The following SLC26A11 variants were observed in gnomAD, a reference collection of about 807,000 sequenced individuals.
SLC26A11 encodes the protein sodium-independent sulfate anion transporter.
SLC26A11 carries 58 observed loss-of-function variants against 62.2 expected under a neutral mutation model. The ratio of observed to expected loss-of-function variants is 0.93; its 90% CI spans 0.76 to 1.16. The LOEUF (loss-of-function observed/expected upper bound fraction) is 1.16, where lower values mean the gene tolerates loss of function less well. Among genes scored for constraint, SLC26A11 ranks in the 50% most tolerant of loss-of-function variants. The pLI, the probability that SLC26A11 is intolerant of heterozygous loss-of-function variation, is 0.00. For missense variants in SLC26A11, 790 were observed against 794.3 expected (o/e 0.99, Z 0.06); for synonymous variants, 411 against 368.9 (o/e 1.11, Z -1.31).
Position 80,246,215 on chromosome 17 carries a change from GC to G in SLC26A11, c.1153+12del. On this transcript the variant is annotated splice_region_variant and intron_variant, in intron 12 of 17. Coordinates refer to ENST00000361193, the MANE Select transcript of SLC26A11 (RefSeq NM_001166347.2). The surrounding 1 kb of genome is among the most constrained non-coding windows in gnomAD (Gnocchi z 4.4). ...GGCGGGGGGCCTGGTGACGGGTAAG[GC>G]CCCCCATCTTCCCCTTGTGCCCGCA... is the stretch of plus-strand genomic sequence containing the variant. 1 of 1,609,044 alleles carries G rather than the reference GC, an allele frequency of 6.2e-7. No individual in the cohort carries two copies.
At position 80,246,555 on chromosome 17, in the gene SLC26A11, C is replaced by T. The variant is rs745370131; in HGVS notation, c.1200C>T (p.Tyr400=). The stretch of plus-strand genomic sequence containing the variant: ...TGGACTACCTGACCTCACTGTTCTA[C>T]TACATCCCCAAGTCTGCCCTGGCTG... ...LSLDYLTSLF[Y]YIPKSALAAV... Residue 400 remains tyrosine (Y), a synonymous_variant, in exon 13 of 18, where the codon TAC becomes TAT. Transcript: ENST00000361193. This position sits in a 1 kb window ranked among gnomAD's most constrained non-coding sequence, Gnocchi z 4.4. 7 of 1,613,632 alleles carry T rather than the reference C, an allele frequency of 4.3e-6. No individual in the cohort carries two copies. The East Asian group carries it at 1.3e-4, about 31-fold the overall frequency.
chr17:80,234,465 TG>T (rs1443654559), intron 7 of SLC26A11, among the ~76,000 whole-genome samples: 2 of 139,864 alleles, frequency 1.4e-5, no homozygotes, highest in African/African-American at 4.9e-5. Context: ...CTTGATGTAG[TG>T]TTTTTTTGTT....
chr17:80,243,056 C>T (rs954866896), intron 10 of SLC26A11, among the ~76,000 whole-genome samples: 1 of 152,176 alleles, frequency 6.6e-6, no homozygotes, highest in African/African-American at 2.4e-5. Context: ...GGGTCCCAGG[C>T]CTTCCTGCCT....
chr17:80,246,498 G>C lies in SLC26A11; in HGVS notation c.1154-11G>C. 6.2e-7 allele frequency: 1 copy of C among 1,609,016 alleles called. No homozygotes were observed. Among genetic ancestry groups the C allele is most frequent in the Non-Finnish European group, 8.5e-7 (1 of 1,179,962 alleles). Reference sequence around the variant, plus strand: ...CACTCCCGAGGTCACCTGTGTTCCCGTGCCCCGCAGGAGTGCTGGTGCTGC... The same window carrying C: ...CACTCCCGAGGTCACCTGTGTTCCCCTGCCCCGCAGGAGTGCTGGTGCTGC... On this transcript the variant is annotated splice_polypyrimidine_tract_variant and intron_variant, in intron 12 of 17. Transcript: ENST00000361193. The surrounding 1 kb of genome is among the most constrained non-coding windows in gnomAD (Gnocchi z 4.4).
chr17:80,248,275 C>CT lies in SLC26A11; in HGVS notation c.1422+19dup. 6.2e-7 allele frequency: 1 copy of CT among 1,602,478 alleles called. No homozygotes were observed. The highest frequency in any genetic ancestry group is 2.2e-5 in the East Asian group (1 of 44,750). Reference sequence around the variant, plus strand: ...AGACCAAGGTACCCCTCCGTGGCCTCTGAGTGGGGAGTGTGCTGGGGGCAG... The same window carrying CT: ...AGACCAAGGTACCCCTCCGTGGCCTCTTGAGTGGGGAGTGTGCTGGGGGCAG... On this transcript the variant is annotated intron_variant, in intron 14 of 17. Transcript: ENST00000361193.
chr17:80,240,615 C>G (rs1241734948), intron 9 of SLC26A11, among the ~76,000 whole-genome samples: 1 of 151,404 alleles, frequency 6.6e-6, no homozygotes, highest in Non-Finnish European at 1.5e-5. Flanking sequence ...CAAGCCTGAC[C>G]AACATGGTGA....
At position 80,223,283 on chromosome 17, in the gene SLC26A11, C is replaced by T. The variant is rs765879820; in HGVS notation, c.459C>T (p.Val153=). ...TGCTGGACTTCATTTCCTACCCCGT[C>T]ATTAAAGGCTTCACCTCTGCTGCTG... The part of the protein sequence containing the change: ...GFLLDFISYP[V]IKGFTSAAAV... Residue 153 remains valine (V), a synonymous_variant, in exon 5 of 18, where the codon GTC becomes GTT. Transcript: ENST00000361193. This position sits in a 1 kb window ranked among gnomAD's most constrained non-coding sequence, Gnocchi z 4.6. 1.9e-6 allele frequency: 3 copies of T among 1,614,024 alleles called. No homozygotes were observed. The highest frequency in any genetic ancestry group is 4.5e-5 in the East Asian group (2 of 44,882).
chr17:80,248,255 A>C lies in SLC26A11; in HGVS notation c.1420A>C (p.Lys474Gln), dbSNP rs767146818. The C allele has an allele frequency of 3.3e-5, 53 of 1,607,900 alleles. No homozygotes were observed. The highest frequency in any genetic ancestry group is 3.3e-4 in the Middle Eastern group (2 of 6,074). Residue 474 changes from lysine to glutamine, a missense_variant and splice_region_variant, in exon 14 of 18, where the codon AAG becomes CAG. Transcript: ENST00000361193. ...LLHSAARPETKVSEGPVLVLQ... is the reference protein window; with the variant it reads ...LLHSAARPETQVSEGPVLVLQ... Reference sequence around the variant, plus strand: ...GCACTCTGCAGCCAGGCCTGAGACCAAGGTACCCCTCCGTGGCCTCTGAGT... The same window carrying C: ...GCACTCTGCAGCCAGGCCTGAGACCCAGGTACCCCTCCGTGGCCTCTGAGT...
intron 17 of SLC26A11, among the ~76,000 whole-genome samples, chr17:80,251,799 C>G (rs1241117076): frequency 6.6e-6 from 1 of 151,878 alleles, no homozygotes; most frequent in African/African-American, 2.4e-5. Context: ...GAAACCACCT[C>G]CACCCCAGTC....
chr17:80,234,470 TTTTG>T (rs1445163361), intron 7 of SLC26A11, among the ~76,000 whole-genome samples: 1 of 95,184 alleles, frequency 1.1e-5, no homozygotes, highest in African/African-American at 2.8e-5. Context: ...TGTAGTGTTT[TTTTG>T]TTTGTTTGTT....
chr17:80,240,370 A>G (rs1301946258), intron 9 of SLC26A11, among the ~76,000 whole-genome samples: 2 of 151,644 alleles, frequency 1.3e-5, no homozygotes, highest in Non-Finnish European at 2.9e-5. Flanking sequence ...CCGTCTCAAA[A>G]AAAAAAGTTT....
chr17:80,224,459 GT>G (rs2042346375), intron 5 of SLC26A11, among the ~76,000 whole-genome samples: 1 of 151,560 alleles, frequency 6.6e-6, no homozygotes, highest in Non-Finnish European at 1.5e-5. Context: ...GAGTGTGAGA[GT>G]GTGAGTGTGT....
chr17:80,225,208 C>T (rs552030253), intron 5 of SLC26A11, among the ~76,000 whole-genome samples: 3 of 151,128 alleles, frequency 2.0e-5, no homozygotes, highest in African/African-American at 7.3e-5. Flanking sequence ...GAAAAAAAAA[C>T]TAAACTAAAA....
intron 10 of SLC26A11, 143 bp downstream of exon 10, chr17:80,241,964 T>C: frequency 2.2e-6 from 2 of 911,192 alleles, no homozygotes; most frequent in Non-Finnish European, 3.5e-6. Flanking sequence ...GATGGGATCT[T>C]CTGGAATATT....
chr17:80,252,851 G>A lies in SLC26A11; in HGVS notation c.*135G>A. ...CCCTGAGCAGGTAACCCAGGGAAGA[G>A]AAGGAAGCCAGGCCTGGAGGTCCAC... On this transcript the variant is annotated 3_prime_UTR_variant, in exon 18 of 18. Coordinates refer to ENST00000361193, the MANE Select transcript of SLC26A11 (RefSeq NM_001166347.2). This position sits in a 1 kb window ranked among gnomAD's most constrained non-coding sequence, Gnocchi z 5.2. 1.3e-6 allele frequency: 1 copy of A among 743,264 alleles called. No homozygotes were observed. The highest frequency in any genetic ancestry group is 2.1e-6 in the Non-Finnish European group (1 of 467,124). 46.0% of individuals were successfully genotyped at this position (743,264 alleles called of 1,614,324 possible).
intron 8 of SLC26A11, 54 bp downstream of exon 8, chr17:80,237,157 C>G: frequency 1.1e-5 from 18 of 1,574,812 alleles, no homozygotes; most frequent in Non-Finnish European, 1.3e-5. Context: ...TGGCCCCTGG[C>G]CTGGCTCCTA....
At position 80,247,574 on chromosome 17, in the gene SLC26A11, T is replaced by G. The variant is rs1437899679; in HGVS notation, c.1295-556T>G. ...AGTTGCCAGGTGAAAGGATGGATAATTTTCTTGCATGCCCGTCGCATGCCA... is the reference window on the plus strand; with the variant it reads ...AGTTGCCAGGTGAAAGGATGGATAAGTTTCTTGCATGCCCGTCGCATGCCA... On this transcript the variant is annotated intron_variant, in intron 13 of 17. Coordinates refer to ENST00000361193, the MANE Select transcript of SLC26A11 (RefSeq NM_001166347.2). Among the ~76,000 whole-genome samples the G allele has an allele frequency of 1.1e-4, 17 of 152,234 alleles. 1 individual carries two copies. Among genetic ancestry groups the G allele is most frequent in the Admixed American group, 1.1e-3 (17 of 15,282 alleles).
chr17:80,237,305 C>T (rs1380387304), intron 8 of SLC26A11: 1 of 771,952 alleles, frequency 1.3e-6, no homozygotes, highest in African/African-American at 1.8e-5. Context: ...CGTTTGTGTT[C>T]AGGGGCGCTT....
intron 16 of SLC26A11, among the ~76,000 whole-genome samples, chr17:80,250,998 C>T (rs1281388504): frequency 6.6e-6 from 1 of 151,520 alleles, no homozygotes; most frequent in African/African-American, 2.4e-5. Context: ...AATAGCTGGA[C>T]GTGGTGGCGT....
Sources: allele counts gnomAD v4.1 joint callset (sites outside exome capture counted in the v4.1 genomes callset), GRCh38; gene constraint gnomAD v4.1.1; non-coding constraint Gnocchi (gnomAD v3.1); transcripts MANE v1.5; gene names NCBI Gene and HGNC (gene_info 2026-07-23, HGNC 2026-07-21).